Variants in CDH20 observed in about 807,000 individuals in gnomAD.
CDH20 encodes cadherin-20.
Under a neutral mutation model 74.2 loss-of-function variants are expected in CDH20, and 29 were observed. The observed-to-expected ratio is 0.39, with a 90% CI of 0.29 to 0.53. The LOEUF (loss-of-function observed/expected upper bound fraction) is 0.53, where lower values mean the gene tolerates loss of function less well. CDH20 is among the 20% of genes least tolerant of loss of function. CDH20 has a pLI of 0.69. For missense variants in CDH20, 988 were observed against 1,048.3 expected (o/e 0.94, Z 0.79); for synonymous variants, 469 against 405.4 (o/e 1.16, Z -1.88).
chr18:61,438,242 A>G (rs1908901086), intron 1 of CDH20, among the ~76,000 whole-genome samples: 2 of 152,192 alleles, frequency 1.3e-5, no homozygotes, highest in East Asian at 3.9e-4. Flanking sequence ...TCCTCTGACA[A>G]TGAGTGTTTC....
chr18:61,413,532 A>G (rs1283007776), intron 1 of CDH20, among the ~76,000 whole-genome samples: 4 of 152,130 alleles, frequency 2.6e-5, no homozygotes, highest in African/African-American at 4.8e-5. Flanking sequence ...TGACCATCCA[A>G]GGGTTTCTTT....
intron 1 of CDH20, among the ~76,000 whole-genome samples, chr18:61,357,805 G>A (rs896620570): frequency 6.6e-6 from 1 of 152,018 alleles, no homozygotes; most frequent in Non-Finnish European, 1.5e-5. Flanking sequence ...AGACTGAAGA[G>A]GGTAAGCAAC....
chr18:61,532,984 C>CA (rs1336474376), intron 7 of CDH20, among the ~76,000 whole-genome samples: 1 of 152,112 alleles, frequency 6.6e-6, no homozygotes. Context: ...TGTGTAATTG[C>CA]ATAAAAGTGA....
intron 1 of CDH20, chr18:61,405,035 T>C (rs1326682195): frequency 2.9e-6 from 2 of 691,664 alleles, no homozygotes; most frequent in East Asian, 2.8e-5. Flanking sequence ...CCATTTCTGA[T>C]TTCTTCAAAG....
At chr18:61,500,102 TAAAAAAAAAAAAAAAAAA>T (rs534695760) in intron 3 of CDH20, among the ~76,000 whole-genome samples, 39 of 56,566 alleles carry the variant, frequency 6.9e-4, no homozygotes, top group South Asian at 1.9e-3. Flanking sequence ...GACTCCATCT[TAAAAAAAAAAAAAAAAAA>T]AAAAAAAAAA....
rs771530994 is a variant in CDH20 at position 61,539,108 on chromosome 18, A to G, written c.1493A>G (p.Tyr498Cys). Residue 498 changes from tyrosine to cysteine, a missense_variant, in exon 9 of 12, where the codon TAT becomes TGT. This residue lies in a region of CDH20 where 613 missense variants were observed against 755.2 expected (regional missense o/e 0.81). Transcript: ENST00000262717. ...NDNAPEFPRF[Y>C]EAFVCENAKA... The stretch of plus-strand genomic sequence containing the variant: ...AATGCTCCAGAGTTCCCCAGATTCT[A>G]TGAAGCTTTTGTCTGTGAGAACGCC... 2 of 1,613,964 alleles carry G rather than the reference A, an allele frequency of 1.2e-6. No individual in the cohort carries two copies. Among genetic ancestry groups the G allele is most frequent in the East Asian group, 2.2e-5 (1 of 44,884 alleles).
chr18:61,398,426 T>G (rs1343994969), intron 1 of CDH20, among the ~76,000 whole-genome samples: 2 of 152,194 alleles, frequency 1.3e-5, no homozygotes, highest in East Asian at 1.9e-4. Flanking sequence ...TAGCTGGTTA[T>G]GATTAGGAGA....
At chr18:61,388,497 A>C (rs72991820) in intron 1 of CDH20, among the ~76,000 whole-genome samples, 1,946 of 152,270 alleles carry the variant, frequency 0.013, 23 homozygotes, top group Non-Finnish European at 0.02. Flanking sequence ...TTATTTCAAA[A>C]ATTGAACTAA....
chr18:61,344,686 G>C (rs1714074187), intron 1 of CDH20, among the ~76,000 whole-genome samples: 1 of 151,916 alleles, frequency 6.6e-6, no homozygotes, highest in Non-Finnish European at 1.5e-5. Context: ...AAGGTTTTTA[G>C]GGCTTAAAAA....
Position 61,493,483 on chromosome 18 carries a change from C to T in CDH20, c.246+2684C>T, listed in dbSNP as rs559936473. Among the ~76,000 whole-genome samples the T allele has an allele frequency of 9.2e-5, 14 of 152,278 alleles. No homozygotes were observed. In the East Asian group the frequency reaches 2.5e-3, roughly 27 times the overall value. ...CTAGCATGCAGTTCAGGGACTTCCTCCTCCCTCACTCAGCCCTCGTGCACA... is the reference window on the plus strand; with the variant it reads ...CTAGCATGCAGTTCAGGGACTTCCTTCTCCCTCACTCAGCCCTCGTGCACA... On this transcript the variant is annotated intron_variant, in intron 2 of 11. Coordinates refer to ENST00000262717, the MANE Select transcript of CDH20 (RefSeq NM_031891.4).
At chr18:61,390,088 C>T (rs1350443995) in intron 1 of CDH20, among the ~76,000 whole-genome samples, 3 of 143,788 alleles carry the variant, frequency 2.1e-5, no homozygotes, top group Admixed American at 1.4e-4. Context: ...CCCACCCTTA[C>T]CCCCACCCCA....
intron 1 of CDH20, among the ~76,000 whole-genome samples, chr18:61,383,719 T>A (rs562863059): frequency 1.3e-5 from 2 of 152,184 alleles, no homozygotes; most frequent in Non-Finnish European, 2.9e-5. Flanking sequence ...GAATCTGAAT[T>A]TTTAAGTTGA....
chr18:61,361,076 T>C (rs1910676027), intron 1 of CDH20, among the ~76,000 whole-genome samples: 1 of 152,230 alleles, frequency 6.6e-6, no homozygotes, highest in South Asian at 2.1e-4. Flanking sequence ...AGATTATTTT[T>C]CTGAACATAT....
chr18:61,490,881 T>C, intron 2 of CDH20, 82 bp downstream of exon 2: 1 of 1,469,642 alleles, frequency 6.8e-7, no homozygotes, highest in Non-Finnish European at 9.4e-7. Context: ...GACCTAGCCT[T>C]TATCTGAGAC....
intron 1 of CDH20, among the ~76,000 whole-genome samples, chr18:61,334,877 T>TC (rs1337936675): frequency 2.6e-5 from 4 of 151,644 alleles, no homozygotes; most frequent in Admixed American, 2.0e-4. Context: ...CAGGAACAAT[T>TC]TTTTTTCTGA....
At chr18:61,384,345 A>T (rs1469387331) in intron 1 of CDH20, among the ~76,000 whole-genome samples, 1 of 152,190 alleles carries the variant, frequency 6.6e-6, no homozygotes, top group Non-Finnish European at 1.5e-5. Flanking sequence ...GCTAATTCTG[A>T]CAATAAGTTA....
intron 1 of CDH20, among the ~76,000 whole-genome samples, chr18:61,362,094 T>C (rs1910712051): frequency 6.6e-6 from 1 of 152,108 alleles, no homozygotes; most frequent in Non-Finnish European, 1.5e-5. Context: ...TCAGAGCCCA[T>C]AAACCCACTT....
At chr18:61,551,752 T>A (rs1165963914) in intron 11 of CDH20, among the ~76,000 whole-genome samples, 1 of 152,168 alleles carries the variant, frequency 6.6e-6, no homozygotes, top group Admixed American at 6.5e-5. Context: ...TAAGAGGCCT[T>A]TGAAGAAACT....
chr18:61,446,781 G>T (rs1432320873), intron 1 of CDH20, among the ~76,000 whole-genome samples: 1 of 152,030 alleles, frequency 6.6e-6, no homozygotes, highest in African/African-American at 2.4e-5. Context: ...GGATAGGTTT[G>T]TCCTTGTCTC....
Sources: gnomAD v4.1 joint callset for allele counts (sites outside exome capture counted in the v4.1 genomes callset) on GRCh38, gnomAD v4.1.1 for gene constraint, gnomAD v4.1.1 regional missense constraint, MANE v1.5 for transcripts, NCBI Gene and HGNC (gene_info 2026-07-23, HGNC 2026-07-21) for gene names.